The following KIAA1217 variants were observed in gnomAD, a reference collection of about 807,000 sequenced individuals.
The protein encoded by KIAA1217 is KIAA1217, also known as sickle tail protein homolog.
A neutral mutation model predicts 163.9 loss-of-function variants in KIAA1217; 88 were observed. That is an observed-to-expected ratio of 0.54 (90% CI 0.45 to 0.64). KIAA1217 has a LOEUF of 0.64. Ranked by LOEUF, KIAA1217 falls within the 30% of genes least tolerant of loss-of-function variation. The pLI is 0.00. For missense variants in KIAA1217, 2,372 were observed against 2,475.0 expected (o/e 0.96, Z 0.88); for synonymous variants, 903 against 923.1 (o/e 0.98, Z 0.39).
intron 1 of KIAA1217, among the ~76,000 whole-genome samples, chr10:23,955,331 G>T (rs534412027): frequency 9.7e-4 from 147 of 152,276 alleles, no homozygotes; most frequent in Admixed American, 1.6e-3. Flanking sequence ...AATACATGTC[G>T]TTATCACTTT....
At chr10:24,289,062 C>G (rs1275741903) in intron 2 of KIAA1217, among the ~76,000 whole-genome samples, 1 of 152,216 alleles carries the variant, frequency 6.6e-6, no homozygotes, top group South Asian at 2.1e-4. Flanking sequence ...GCTTTTTTCT[C>G]TACTGGCTCT....
intron 1 of KIAA1217, among the ~76,000 whole-genome samples, chr10:23,965,070 G>A (rs926357107): frequency 3.9e-5 from 6 of 152,222 alleles, no homozygotes; most frequent in African/African-American, 9.6e-5. Flanking sequence ...TATCACTGTG[G>A]AGTTGCAGCA....
chr10:24,351,799 T>C (rs1441250935), intron 2 of KIAA1217, among the ~76,000 whole-genome samples: 1 of 152,178 alleles, frequency 6.6e-6, no homozygotes, highest in African/African-American at 2.4e-5. Flanking sequence ...AGTCCCTGCA[T>C]AGCTTACCAA....
chr10:23,830,847 C>T (rs1284994498), intron 1 of KIAA1217, among the ~76,000 whole-genome samples: 1 of 151,816 alleles, frequency 6.6e-6, no homozygotes, highest in Non-Finnish European at 1.5e-5. Context: ...CACACACACA[C>T]ACTCACTCAC....
chr10:24,072,122 C>T (rs980487788), intron 2 of KIAA1217, among the ~76,000 whole-genome samples: 4 of 152,010 alleles, frequency 2.6e-5, no homozygotes. Flanking sequence ...TACTCCTGGG[C>T]TCAAGCAATT....
upstream of KIAA1217, among the ~76,000 whole-genome samples, chr10:24,203,797 C>T (rs2067398707): frequency 6.6e-6 from 1 of 152,304 alleles, no homozygotes; most frequent in South Asian, 2.1e-4. Flanking sequence ...CATGGTTTTG[C>T]TCCCTCTGGG....
chr10:24,247,012 CA>C (rs1367067531), intron 2 of KIAA1217, among the ~76,000 whole-genome samples: 50 of 117,726 alleles, frequency 4.2e-4, no homozygotes, highest in East Asian at 3.8e-3. Flanking sequence ...GGCTCTGTCT[CA>C]AAAAAAAAAA....
chr10:24,196,310 T>A (rs190964078), intron 2 of KIAA1217, among the ~76,000 whole-genome samples: 68 of 152,338 alleles, frequency 4.5e-4, no homozygotes, highest in African/African-American at 1.5e-3. Flanking sequence ...AAGGAGCACA[T>A]TGGGGCCTCA....
intron 5 of KIAA1217, among the ~76,000 whole-genome samples, chr10:24,450,546 A>C (rs1402566201): frequency 6.6e-6 from 1 of 152,184 alleles, no homozygotes; most frequent in Non-Finnish European, 1.5e-5. Flanking sequence ...TGTCCTTTTA[A>C]ATCAGTCTGT....
At position 24,438,405 on chromosome 10, in the gene KIAA1217, C is replaced by T; in HGVS notation, c.772C>T (p.Leu258Phe). ...NDVRNIQDRS[L>F]LKVYNKDPAH... ...TTCCAGGAACATTCAAGACAGATCACTCCTCAAAGTGTACAACAAGGATCC... is the reference window on the plus strand; with the variant it reads ...TTCCAGGAACATTCAAGACAGATCATTCCTCAAAGTGTACAACAAGGATCC... Residue 258 changes from leucine (L) to phenylalanine (F), a missense_variant, in exon 5 of 21, where the codon CTC becomes TTC. By Grantham distance (22) the Leu-to-Phe change is conservative. Transcript: ENST00000376454. The T allele has an allele frequency of 1.2e-6, 2 of 1,612,820 alleles. No individual in the cohort carries two copies. Among genetic ancestry groups the T allele is most frequent in the South Asian group, 1.1e-5 (1 of 91,058 alleles).
chr10:23,732,935 A>C (rs1050721936), intron 1 of KIAA1217, among the ~76,000 whole-genome samples: 1 of 152,126 alleles, frequency 6.6e-6, no homozygotes, highest in Non-Finnish European at 1.5e-5. Flanking sequence ...CTTTGGAGAG[A>C]TACATGATGA....
At chr10:24,476,153 A>G (rs1442228289) in intron 6 of KIAA1217, among the ~76,000 whole-genome samples, 4 of 152,204 alleles carry the variant, frequency 2.6e-5, no homozygotes, top group Non-Finnish European at 5.9e-5. Context: ...TAGTGCTGAA[A>G]TTATCAAAAT....
intron 2 of KIAA1217, among the ~76,000 whole-genome samples, chr10:24,185,264 G>A (rs2066368404): frequency 6.6e-6 from 1 of 152,024 alleles, no homozygotes; most frequent in South Asian, 2.1e-4. Flanking sequence ...TTCCAGTTGG[G>A]GTAGGTTACA....
At chr10:24,403,843 T>C (rs2056857017) in intron 3 of KIAA1217, among the ~76,000 whole-genome samples, 1 of 152,006 alleles carries the variant, frequency 6.6e-6, no homozygotes, top group Non-Finnish European at 1.5e-5. Flanking sequence ...ATAAAAAAAA[T>C]AGAGATAACA....
At chr10:24,039,310 T>C (rs1848528197) in intron 2 of KIAA1217, among the ~76,000 whole-genome samples, 1 of 151,936 alleles carries the variant, frequency 6.6e-6, no homozygotes, top group African/African-American at 2.4e-5. Flanking sequence ...CCCCAACATA[T>C]GATAGTTCCA....
At chr10:24,512,445 C>T (rs977681934) in intron 9 of KIAA1217, among the ~76,000 whole-genome samples, 41 of 152,262 alleles carry the variant, frequency 2.7e-4, no homozygotes, top group African/African-American at 9.4e-4. Flanking sequence ...CTCAAGTGCT[C>T]AACCAGACTC....
chr10:24,379,777 A>T (rs2053037204), intron 2 of KIAA1217, among the ~76,000 whole-genome samples: 2 of 145,050 alleles, frequency 1.4e-5, no homozygotes, highest in Admixed American at 1.3e-4. Flanking sequence ...AAGGCCGGGC[A>T]TGGTAGCTCG....
intron 2 of KIAA1217, among the ~76,000 whole-genome samples, chr10:24,247,660 G>A (rs1056158256): frequency 2.6e-5 from 4 of 152,166 alleles, no homozygotes; most frequent in African/African-American, 4.8e-5. Flanking sequence ...AATTAGCAGG[G>A]TGTTGTGGCG....
chr10:23,750,826 A>G (rs752534471), intron 1 of KIAA1217, among the ~76,000 whole-genome samples: 5 of 152,138 alleles, frequency 3.3e-5, no homozygotes, highest in Non-Finnish European at 5.9e-5. Flanking sequence ...TTACATGATC[A>G]TTAATATGGT....
Sources: gnomAD v4.1 joint callset for allele counts (sites outside exome capture counted in the v4.1 genomes callset) on GRCh38, gnomAD v4.1.1 for gene constraint, MANE v1.5 for transcripts, NCBI Gene and HGNC (gene_info 2026-07-23, HGNC 2026-07-21) for gene names.